The following CRPPA variants were observed in gnomAD, a reference collection of about 807,000 sequenced individuals.
The protein encoded by CRPPA is CDP-L-ribitol pyrophosphorylase A, also known as D-ribitol-5-phosphate cytidylyltransferase.
A neutral mutation model predicts 52.0 loss-of-function variants in CRPPA; 43 were observed. The ratio of observed to expected loss-of-function variants is 0.83; its 90% CI spans 0.65 to 1.07. CRPPA has a LOEUF of 1.07. CRPPA is among the 50% of genes least tolerant of loss of function. CRPPA has a pLI of 0.00. For missense variants in CRPPA, 629 were observed against 551.7 expected (o/e 1.14, Z -1.40); for synonymous variants, 250 against 203.5 (o/e 1.23, Z -1.94).
chr7:16,089,178 G>T lies in CRPPA; in HGVS notation c.*2517C>A, dbSNP rs570191789. On this transcript the variant is annotated 3_prime_UTR_variant, in exon 10 of 10. Coordinates refer to ENST00000407010, the MANE Select transcript of CRPPA (RefSeq NM_001101426.4). ...AACATAAAAATACATATATACGTAC[G>T]TATATACATATATGTGTGTATATAC... 5 of 310,752 alleles carry T rather than the reference G, an allele frequency of 1.6e-5. No individual in the cohort carries two copies. The highest frequency in any genetic ancestry group is 8.6e-5 in the African/African-American group (4 of 46,606). The allele number at this position is 310,752 out of a possible 1,614,324, so 19.2% of individuals were successfully genotyped here. A position where few individuals can be genotyped will look rare whatever the true frequency, so the allele number is the denominator to read the frequency against.
chr7:16,372,315 T>C (rs1283194263), intron 3 of CRPPA, among the ~76,000 whole-genome samples: 1 of 152,178 alleles, frequency 6.6e-6, no homozygotes, highest in Non-Finnish European at 1.5e-5. Context: ...TCAGGTAACC[T>C]ACAAAGGAAA....
chr7:16,313,516 T>G (rs948100461), intron 3 of CRPPA, among the ~76,000 whole-genome samples: 1 of 151,982 alleles, frequency 6.6e-6, no homozygotes, highest in Non-Finnish European at 1.5e-5. Context: ...TTTTCTCTAC[T>G]GACTTCCTAT....
intron 9 of CRPPA, among the ~76,000 whole-genome samples, chr7:16,163,119 G>A (rs1234418059): frequency 6.6e-5 from 10 of 151,538 alleles, no homozygotes; most frequent in East Asian, 3.9e-4. Context: ...GACTACAGGC[G>A]CCTGCCACCA....
intron 3 of CRPPA, among the ~76,000 whole-genome samples, chr7:16,338,976 G>A (rs549564541): frequency 4.0e-4 from 61 of 151,818 alleles, no homozygotes; most frequent in African/African-American, 5.1e-4. Flanking sequence ...TCACCACGCC[G>A]GCTAATTTTT....
At chr7:16,191,442 A>G (rs1361364669) in intron 9 of CRPPA, among the ~76,000 whole-genome samples, 1 of 152,158 alleles carries the variant, frequency 6.6e-6, no homozygotes, top group Non-Finnish European at 1.5e-5. Context: ...AGAGTAAAAT[A>G]GATTTGCAGA....
chr7:16,400,326 C>A (rs750114899), intron 2 of CRPPA, among the ~76,000 whole-genome samples: 5 of 152,200 alleles, frequency 3.3e-5, no homozygotes, highest in Non-Finnish European at 5.9e-5. Flanking sequence ...TTGACCAACA[C>A]CTGATAGACA....
rs531700998 is a variant in CRPPA at position 16,370,440 on chromosome 7, T to C, written c.684+5652A>G. Among the ~76,000 whole-genome samples, 11 of 152,168 alleles carry C rather than the reference T, an allele frequency of 7.2e-5. No homozygotes were observed. The South Asian group carries it at 1.0e-3, about 14-fold the overall frequency. The stretch of plus-strand genomic sequence containing the variant: ...ACTGCTGGGAGACTTGAATACATCA[T>C]TGGATCCCTTGCAGACATTCCCCAG... On this transcript the variant is annotated intron_variant, in intron 3 of 9. Coordinates refer to ENST00000407010, the MANE Select transcript of CRPPA (RefSeq NM_001101426.4).
In CRPPA at chr7:16,239,680, C is replaced by T. The variant is rs927627141; in HGVS notation, c.1119+18710G>A. Among the ~76,000 whole-genome samples, 3 of 151,348 alleles carry T rather than the reference C, an allele frequency of 2.0e-5. No individual in the cohort carries two copies. The South Asian group carries it at 6.3e-4, about 32-fold the overall frequency. On this transcript the variant is annotated intron_variant, in intron 8 of 9. Transcript: ENST00000407010. ...CTAGGGCTACGATCAATGTGAAATG[C>T]CTAACAAAGTCTAGTTTCATTTATT...
chr7:16,376,945 T>C (rs1583559283), intron 2 of CRPPA, among the ~76,000 whole-genome samples: 1 of 152,182 alleles, frequency 6.6e-6, no homozygotes, highest in Admixed American at 6.5e-5. Flanking sequence ...CCAGAAGAAC[T>C]GCCTTAGTGA....
intron 8 of CRPPA, among the ~76,000 whole-genome samples, chr7:16,223,742 A>G (rs1168505288): frequency 6.6e-6 from 1 of 152,222 alleles, no homozygotes; most frequent in Non-Finnish European, 1.5e-5. Flanking sequence ...GCAAAATGGT[A>G]ACTCAAGAGA....
At position 16,258,462 on chromosome 7, in the gene CRPPA, T is replaced by C; in HGVS notation, c.1047A>G (p.Gln349=). Residue 349 remains glutamine (Q), a synonymous_variant, in exon 8 of 10, where the codon CAA becomes CAG. Transcript: ENST00000407010. ...VCVNVTTSDF[Q]ETQKLLSMLE... is the part of the protein sequence containing the mutation. ...GCATGCTCAGTAACTTCTGGGTTTCTTGAAAATCAGAGGTTGTAACCTAAA... is the reference window on the plus strand; with the variant it reads ...GCATGCTCAGTAACTTCTGGGTTTCCTGAAAATCAGAGGTTGTAACCTAAA... 7.5e-6 allele frequency: 12 copies of C among 1,602,406 alleles called. No homozygotes were observed. Among genetic ancestry groups the C allele is most frequent in the Non-Finnish European group, 9.4e-6 (11 of 1,173,820 alleles).
chr7:16,346,003 A>G (rs1274573674), intron 3 of CRPPA, among the ~76,000 whole-genome samples: 1 of 152,226 alleles, frequency 6.6e-6, no homozygotes, highest in African/African-American at 2.4e-5. Flanking sequence ...GGTGTTATTT[A>G]GTAAACGCCT....
rs543327968 is a variant in CRPPA at position 16,237,906 on chromosome 7, C to T, written c.1119+20484G>A. ...CCTCTCACTCCTCACAGAGTTGGAC[C>T]CTGCTCAGTCTTCCAAATCTTGGCT... On this transcript the variant is annotated intron_variant, in intron 8 of 9. Coordinates refer to ENST00000407010, the MANE Select transcript of CRPPA (RefSeq NM_001101426.4). 2.6e-5 allele frequency among the ~76,000 whole-genome samples: 4 copies of T among 152,264 alleles called. No individual in the cohort carries two copies. The South Asian group carries it at 8.3e-4, about 32-fold the overall frequency.
At chr7:16,221,889 G>A (rs1264267559) in intron 8 of CRPPA, among the ~76,000 whole-genome samples, 2 of 151,258 alleles carry the variant, frequency 1.3e-5, no homozygotes, top group East Asian at 2.0e-4. Flanking sequence ...TCAGTGTGGC[G>A]ATTCCTCAGG....
At chr7:16,311,004 T>C (rs1785023619) in intron 3 of CRPPA, among the ~76,000 whole-genome samples, 1 of 152,176 alleles carries the variant, frequency 6.6e-6, no homozygotes, top group African/African-American at 2.4e-5. Flanking sequence ...TATCCATGCA[T>C]TGTTTTCTTT....
chr7:16,396,807 TGTGTG>T, intron 2 of CRPPA, among the ~76,000 whole-genome samples: 1 of 152,330 alleles, frequency 6.6e-6, no homozygotes, highest in South Asian at 2.1e-4. Context: ...TAACTAAAGA[TGTGTG>T]GCATGTGTGA....
rs564891193 is a variant in CRPPA, at chr7:16,261,145, A to G, written c.934-2133T>C. ...AAAAGTACGAATGTTGCATTACAAT[A>G]GAATAATATGCATGTCATTTTAAAT... On this transcript the variant is annotated intron_variant, in intron 6 of 9. Coordinates refer to ENST00000407010, the MANE Select transcript of CRPPA (RefSeq NM_001101426.4). Among the ~76,000 whole-genome samples the G allele has an allele frequency of 2.6e-5, 4 of 152,262 alleles. No homozygotes were observed. In the East Asian group the frequency reaches 7.7e-4, roughly 29 times the overall value.
chr7:16,418,962 C>G (rs551950416), intron 1 of CRPPA, among the ~76,000 whole-genome samples: 1 of 152,176 alleles, frequency 6.6e-6, no homozygotes, highest in Admixed American at 6.5e-5. Context: ...CTAATTACCA[C>G]GCAGATAAAG....
chr7:16,197,914 C>T (rs566586129), intron 9 of CRPPA, among the ~76,000 whole-genome samples: 7 of 149,110 alleles, frequency 4.7e-5, no homozygotes, highest in African/African-American at 7.5e-5. Context: ...GGATTAAGGG[C>T]GGTGCAGGAT....
Sources: gnomAD v4.1 joint callset for allele counts (sites outside exome capture counted in the v4.1 genomes callset) on GRCh38, gnomAD v4.1.1 for gene constraint, MANE v1.5 for transcripts, NCBI Gene and HGNC (gene_info 2026-07-23, HGNC 2026-07-21) for gene names.